The following OR1F1 variants were observed in gnomAD, a reference collection of about 807,000 sequenced individuals.
The protein encoded by OR1F1 is olfactory receptor family 1 subfamily F member 1, also known as olfactory receptor 1F1.
For missense variants in OR1F1, 493 were observed against 376.3 expected (o/e 1.31, Z -2.57); for synonymous variants, 184 against 156.7 (o/e 1.17, Z -1.30).
In OR1F1 at chr16:3,204,611, A is replaced by G. The variant is rs61731440; in HGVS notation, c.365A>G (p.His122Arg). ...CTCCTAGCTGTGATGGCCTATGACCACTTTGTCGCCGTGTGCCACCCCTTA... is the reference window on the plus strand; with the variant it reads ...CTCCTAGCTGTGATGGCCTATGACCGCTTTGTCGCCGTGTGCCACCCCTTA... Residue 122 changes from histidine (H) to arginine (R), a missense_variant, in exon 1 of 1, where the codon CAC (histidine) becomes CGC (arginine). Transcript: ENST00000304646. 4.2e-3 allele frequency: 6,848 copies of G among 1,613,992 alleles called. 248 individuals are homozygous for G. The African/African-American group carries it at 0.08, about 19-fold the overall frequency.
At chr16:3,192,699 G>C in the OR1F1 span, among the ~76,000 whole-genome samples, 2 of 152,228 alleles carry the variant, frequency 1.3e-5, no homozygotes, top group East Asian at 1.9e-4. Flanking sequence ...CTCGCGCCGA[G>C]CCTGGAAAAG....
the OR1F1 span, among the ~76,000 whole-genome samples, chr16:3,196,197 G>C: frequency 6.6e-6 from 1 of 152,182 alleles, no homozygotes; most frequent in East Asian, 1.9e-4. Context: ...TTAATCTCAG[G>C]GTCGTGGGTT....
At chr16:3,196,770 A>G in the OR1F1 span, among the ~76,000 whole-genome samples, 409 of 147,846 alleles carry the variant, frequency 2.8e-3, 18 homozygotes, top group East Asian at 0.067. Flanking sequence ...GGCGTCCTGC[A>G]ACCTCCGCAT....
At chr16:3,205,004 G>T (rs368111593) in exon 1 of OR1F1, 1 of 1,614,106 alleles carries the variant, frequency 6.2e-7, no homozygotes, top group South Asian at 1.1e-5. Flanking sequence ...CTCTTCTACA[G>T]CACCATCATT....
At chr16:3,190,207 C>T in the OR1F1 span, among the ~76,000 whole-genome samples, 1 of 152,138 alleles carries the variant, frequency 6.6e-6, no homozygotes. Flanking sequence ...CCCCACATCC[C>T]GTCACTCCTC....
chr16:3,201,279 ATTG>A (rs1429989374), upstream of OR1F1, among the ~76,000 whole-genome samples: 2 of 152,200 alleles, frequency 1.3e-5, no homozygotes, highest in Admixed American at 6.5e-5. Context: ...ATGTACAATA[ATTG>A]TTGTACAAAT....
chr16:3,205,186 T>A lies in OR1F1; in HGVS notation c.*1T>A, dbSNP rs200823415. 1.2e-5 allele frequency: 19 copies of A among 1,599,866 alleles called. No homozygotes were observed. In the Admixed American group the frequency reaches 1.9e-4, roughly 16 times the overall value. On this transcript the variant is annotated 3_prime_UTR_variant, in exon 1 of 1. Transcript: ENST00000304646. ...TGGCAGGGTGGTGTTTTCTGTCTGATGAAATAATCAAGACTGAATCTCATT... is the reference window on the plus strand; with the variant it reads ...TGGCAGGGTGGTGTTTTCTGTCTGAAGAAATAATCAAGACTGAATCTCATT...
At chr16:3,203,924 C>T (rs1190935023), upstream of OR1F1, among the ~76,000 whole-genome samples, 1 of 152,132 alleles carries the variant, frequency 6.6e-6, no homozygotes, top group African/African-American at 2.4e-5. Context: ...CAGGACCAGC[C>T]TCTGTCCCGT....
exon 1 of OR1F1, chr16:3,204,940 A>G (rs1029990413): frequency 6.2e-7 from 1 of 1,614,076 alleles, no homozygotes; most frequent in African/African-American, 1.3e-5. Context: ...CCCATCCACA[A>G]AGGGAAGGTG....
the OR1F1 span, among the ~76,000 whole-genome samples, chr16:3,198,444 C>T: frequency 6.6e-6 from 1 of 152,252 alleles, no homozygotes; most frequent in South Asian, 2.1e-4. Context: ...ACAGGCTTAA[C>T]CCCTTAAGCA....
rs747242257 is a variant in OR1F1 at position 3,204,349 on chromosome 16, T to C, written c.103T>C (p.Tyr35His). 3 of 1,614,114 alleles carry C rather than the reference T, an allele frequency of 1.9e-6. No individual in the cohort carries two copies. The Admixed American group carries it at 5.0e-5, about 27-fold the overall frequency. The stretch of plus-strand genomic sequence containing the variant: ...CCTCTTTGTGTTCTTCCTCAGCATG[T>C]ACCTGGCCACTGTCCTGGGGAACCT... Residue 35 changes from tyrosine (Y) to histidine (H), a missense_variant, in exon 1 of 1, where the codon TAC (tyrosine) becomes CAC (histidine). Coordinates refer to ENST00000304646, the Ensembl canonical transcript of OR1F1.
chr16:3,193,213 T>C, the OR1F1 span, among the ~76,000 whole-genome samples: 1 of 152,122 alleles, frequency 6.6e-6, no homozygotes, highest in African/African-American at 2.4e-5. Flanking sequence ...GGCGCGAGCC[T>C]CCACGCCCGG....
chr16:3,188,872 C>T, the OR1F1 span, among the ~76,000 whole-genome samples: 1 of 152,206 alleles, frequency 6.6e-6, no homozygotes, highest in African/African-American at 2.4e-5. Flanking sequence ...GTCCTGGGGA[C>T]TGGAGGTCCC....
chr16:3,193,025 C>T, the OR1F1 span, among the ~76,000 whole-genome samples: 1 of 152,116 alleles, frequency 6.6e-6, no homozygotes, highest in African/African-American at 2.4e-5. Context: ...CAGCCTCCGC[C>T]TCCCAGGTTC....
chr16:3,190,749 T>TAAAAA, the OR1F1 span, among the ~76,000 whole-genome samples: 44 of 92,216 alleles, frequency 4.8e-4, no homozygotes, highest in African/African-American at 1.9e-3. Flanking sequence ...AGACTCTATC[T>TAAAAA]AAAAAAAAAA....
At chr16:3,190,257 C>T in the OR1F1 span, among the ~76,000 whole-genome samples, 1 of 152,126 alleles carries the variant, frequency 6.6e-6, no homozygotes, top group African/African-American at 2.4e-5. Context: ...GCTCCCCTGT[C>T]CTGGTTTTGG....
At chr16:3,192,202 G>T in the OR1F1 span, among the ~76,000 whole-genome samples, 5 of 152,190 alleles carry the variant, frequency 3.3e-5, no homozygotes, top group African/African-American at 1.2e-4. Context: ...GACTACAGGT[G>T]CCCGCCACCA....
chr16:3,205,143 G>A (rs746656998), exon 1 of OR1F1: 1 of 1,611,528 alleles, frequency 6.2e-7, no homozygotes, highest in Non-Finnish European at 8.5e-7. Context: ...ACTTGAAAGG[G>A]GCTCTGAAAA....
upstream of OR1F1, among the ~76,000 whole-genome samples, chr16:3,199,853 T>C (rs1164438565): frequency 1.3e-5 from 2 of 151,752 alleles, no homozygotes; most frequent in Non-Finnish European, 2.9e-5. Context: ...CCGTCTCTAC[T>C]AAAAATACAA....
Sources: gnomAD v4.1 joint callset for allele counts (sites outside exome capture counted in the v4.1 genomes callset) on GRCh38, gnomAD v4.1.1 for gene constraint, MANE v1.5 for transcripts, NCBI Gene and HGNC (gene_info 2026-07-23, HGNC 2026-07-21) for gene names.